Variants in KCNU1 observed in about 807,000 individuals in gnomAD.
KCNU1 encodes potassium calcium-activated channel subfamily U member 1.
Under a neutral mutation model 126.8 loss-of-function variants are expected in KCNU1, and 93 were observed. That is an observed-to-expected ratio of 0.73 (90% CI 0.62 to 0.87). The LOEUF is 0.87. KCNU1 is among the 40% of genes least tolerant of loss of function. The pLI, the probability that KCNU1 is intolerant of heterozygous loss-of-function variation, is 0.00. For missense variants in KCNU1, 1,330 were observed against 1,367.1 expected (o/e 0.97, Z 0.43); for synonymous variants, 523 against 494.2 (o/e 1.06, Z -0.77).
At chr8:36,909,768 C>A (rs1807792445) in intron 21 of KCNU1, among the ~76,000 whole-genome samples, 1 of 152,076 alleles carries the variant, frequency 6.6e-6, no homozygotes, top group African/African-American at 2.4e-5. Context: ...ATTGTACAGC[C>A]AGTAAGTAAC....
At chr8:36,840,698 G>A (rs572074539) in intron 15 of KCNU1, 123 bp downstream of exon 15, 358 of 707,976 alleles carry the variant, frequency 5.1e-4, no homozygotes, top group Non-Finnish European at 7.9e-4. Context: ...GGACAGCCCA[G>A]GGTCCCTGAA....
At chr8:36,875,807 C>T (rs1335051713) in intron 19 of KCNU1, among the ~76,000 whole-genome samples, 2 of 152,110 alleles carry the variant, frequency 1.3e-5, no homozygotes, top group African/African-American at 4.8e-5. Flanking sequence ...TCAGTCAAGC[C>T]TGGTGCCTGG....
At chr8:36,815,054 G>A (rs1803858109) in intron 8 of KCNU1, among the ~76,000 whole-genome samples, 1 of 152,110 alleles carries the variant, frequency 6.6e-6, no homozygotes, top group Non-Finnish European at 1.5e-5. Context: ...AAGAGGGCCA[G>A]GCACAGTTGC....
At chr8:36,907,578 T>C (rs1206409760) in intron 20 of KCNU1, among the ~76,000 whole-genome samples, 2 of 152,196 alleles carry the variant, frequency 1.3e-5, no homozygotes, top group Admixed American at 1.3e-4. Context: ...TTATTTCCCC[T>C]CGCAGGGAGA....
At chr8:36,838,859 T>C (rs1050761359) in intron 14 of KCNU1, among the ~76,000 whole-genome samples, 2 of 152,202 alleles carry the variant, frequency 1.3e-5, no homozygotes, top group African/African-American at 2.4e-5. Flanking sequence ...GAAACCTACT[T>C]TCAGGAATCC....
At chr8:36,916,461 A>G (rs1056561417) in intron 22 of KCNU1, among the ~76,000 whole-genome samples, 6 of 151,974 alleles carry the variant, frequency 3.9e-5, no homozygotes, top group African/African-American at 1.5e-4. Context: ...GAAAGGAGGG[A>G]AGGGAATAGA....
intron 19 of KCNU1, among the ~76,000 whole-genome samples, chr8:36,890,761 TA>T (rs1806931432): frequency 6.6e-6 from 1 of 151,934 alleles, no homozygotes; most frequent in South Asian, 2.1e-4. Context: ...AATCTACTTT[TA>T]ATATAAATAT....
intron 19 of KCNU1, among the ~76,000 whole-genome samples, chr8:36,878,488 G>A (rs1424359712): frequency 6.6e-6 from 1 of 152,114 alleles, no homozygotes; most frequent in Non-Finnish European, 1.5e-5. Flanking sequence ...CACAAACTAG[G>A]TGACTAGCTT....
chr8:36,815,658 C>G lies in KCNU1; in HGVS notation c.966C>G (p.Thr322=). ...TGTTTGCTAACAAGAGGAAATACAC[C>G]AGTTCCTATGAAGCACTCAAAGGAA... ...VELFANKRKY[T]SSYEALKGKK... Residue 322 remains threonine, a synonymous_variant, in exon 9 of 27, where the codon ACC becomes ACG. Transcript: ENST00000399881. 6.3e-7 allele frequency: 1 copy of G among 1,590,690 alleles called. No homozygotes were observed. The highest frequency in any genetic ancestry group is 8.6e-7 in the Non-Finnish European group (1 of 1,166,980).
chr8:36,804,869 T>A lies in KCNU1; in HGVS notation c.378-326T>A, dbSNP rs146064422. Among the ~76,000 whole-genome samples, 461 of 152,258 alleles carry A rather than the reference T, an allele frequency of 3.0e-3. 2 individuals are homozygous for A. Among genetic ancestry groups the A allele is most frequent in the African/African-American group, 0.01 (430 of 41,554 alleles). On this transcript the variant is annotated intron_variant, in intron 3 of 26. Transcript: ENST00000399881. ...ATTAATTCAAAATATACTGACTAGA[T>A]AGATGATCTTGCAAACCAAGAAGAG...
At chr8:36,853,401 A>C (rs1422627819) in intron 18 of KCNU1, among the ~76,000 whole-genome samples, 1 of 152,122 alleles carries the variant, frequency 6.6e-6, no homozygotes, top group East Asian at 1.9e-4. Context: ...TTTCCCTCTA[A>C]GCACCTTTAG....
chr8:36,821,560 A>G (rs984833112), intron 10 of KCNU1, among the ~76,000 whole-genome samples: 7 of 152,112 alleles, frequency 4.6e-5, no homozygotes, highest in South Asian at 2.1e-4. Flanking sequence ...CTGATTCTAT[A>G]AAGAGATGAG....
intron 16 of KCNU1, among the ~76,000 whole-genome samples, chr8:36,843,276 AG>A (rs1805022080): frequency 6.6e-6 from 1 of 152,210 alleles, no homozygotes; most frequent in Admixed American, 6.5e-5. Flanking sequence ...ACCTCAATGA[AG>A]GGGGGATCTA....
intron 12 of KCNU1, among the ~76,000 whole-genome samples, chr8:36,835,426 C>T (rs1804712821): frequency 6.6e-6 from 1 of 151,762 alleles, no homozygotes; most frequent in African/African-American, 2.4e-5. Flanking sequence ...CTCACTGCAA[C>T]TTCCACCTCC....
chr8:36,824,045 C>A (rs558446260), intron 10 of KCNU1, among the ~76,000 whole-genome samples: 9 of 152,004 alleles, frequency 5.9e-5, no homozygotes, highest in Admixed American at 5.9e-4. Flanking sequence ...CCATGTTGGC[C>A]GGGCTGGTCT....
intron 19 of KCNU1, among the ~76,000 whole-genome samples, chr8:36,900,801 C>A (rs146984827): frequency 1.5e-4 from 23 of 152,152 alleles, no homozygotes; most frequent in African/African-American, 5.1e-4. Flanking sequence ...GAGACAGTCA[C>A]AATGGAGTTT....
rs774145578 is a variant in KCNU1, at chr8:36,814,296, G to A, written c.822G>A (p.Thr274=). 28 of 1,612,578 alleles carry A rather than the reference G, an allele frequency of 1.7e-5. No homozygotes were observed. Among genetic ancestry groups the A allele is most frequent in the South Asian group, 6.6e-5 (6 of 90,948 alleles). Residue 274 remains threonine (T), a synonymous_variant, in exon 8 of 27, where the codon ACG becomes ACA. Coordinates refer to ENST00000399881, the MANE Select transcript of KCNU1 (RefSeq NM_001031836.3). ...CAATTTACCTGGTCATGGCAACAAC[G>A]TCAACCGTTGGATTTGGAGATGTGG... is the stretch of plus-strand genomic sequence containing the variant. ...FESIYLVMAT[T]STVGFGDVVA... is the part of the protein sequence containing the mutation.
chr8:36,922,534 G>A lies in KCNU1; in HGVS notation c.2641G>A (p.Glu881Lys). 6.2e-7 allele frequency: 1 copy of A among 1,613,560 alleles called. No homozygotes were observed. ...IHFIEQLGGL[E>K]GSLQETNLHL... ...CTTTATTGAACAGCTTGGTGGACTGGAAGGGTCCCTCCAAGAAACAAATCT... is the reference window on the plus strand; with the variant it reads ...CTTTATTGAACAGCTTGGTGGACTGAAAGGGTCCCTCCAAGAAACAAATCT... The change falls in exon 24 of 27, where the codon GAA becomes AAA. Residue 881 changes from glutamate to lysine, a missense_variant. This residue lies in a region of KCNU1 where 1,054 missense variants were observed against 1,053.9 expected (regional missense o/e 1.00). Coordinates refer to ENST00000399881, the MANE Select transcript of KCNU1 (RefSeq NM_001031836.3).
chr8:36,831,981 C>G (rs938012918), intron 10 of KCNU1, among the ~76,000 whole-genome samples: 3 of 152,214 alleles, frequency 2.0e-5, no homozygotes, highest in African/African-American at 7.2e-5. Flanking sequence ...CTACATATGG[C>G]TAGCCAGTTT....
Sources: allele counts gnomAD v4.1 joint callset (sites outside exome capture counted in the v4.1 genomes callset), GRCh38; gene constraint gnomAD v4.1.1; regional missense constraint gnomAD v4.1.1; transcripts MANE v1.5; gene names NCBI Gene and HGNC (gene_info 2026-07-23, HGNC 2026-07-21).